Variants in ATRNL1 observed in about 807,000 individuals in gnomAD.
ATRNL1 encodes the protein attractin-like protein 1.
In ATRNL1, 95 loss-of-function variants were observed where a neutral mutation model predicts 182.7. That is an observed-to-expected ratio of 0.52 (90% CI 0.44 to 0.62). ATRNL1 has a LOEUF of 0.62. Among genes scored for constraint, ATRNL1 ranks in the 20% least tolerant of loss-of-function variants. ATRNL1 has a pLI of 0.00. For missense variants in ATRNL1, 1,471 were observed against 1,679.5 expected (o/e 0.88, Z 2.17); for synonymous variants, 576 against 568.3 (o/e 1.01, Z -0.19).
intron 26 of ATRNL1, among the ~76,000 whole-genome samples, chr10:115,606,237 C>T (rs1270917763): frequency 6.6e-6 from 1 of 151,930 alleles, no homozygotes; most frequent in Admixed American, 6.6e-5. Flanking sequence ...ACACATTAGG[C>T]TCGCATATTT....
rs1554890712 is a variant in ATRNL1, at chr10:115,195,115, A to G, written c.1349-20582A>G. Among the ~76,000 whole-genome samples, 5 of 152,034 alleles carry G rather than the reference A, an allele frequency of 3.3e-5. 1 individual carries two copies. The South Asian group carries it at 6.2e-4, about 19-fold the overall frequency. On this transcript the variant is annotated intron_variant, in intron 8 of 28. Transcript: ENST00000355044. ...GATTGGTTTGTTTTTTAGTTTTTCT[A>G]CTACAGATATGAGTGCTTTATGTAT...
intron 5 of ATRNL1, among the ~76,000 whole-genome samples, chr10:115,132,084 C>T (rs1845267379): frequency 6.6e-6 from 1 of 150,864 alleles, no homozygotes; most frequent in Non-Finnish European, 1.5e-5. Flanking sequence ...TCCCCCCTCC[C>T]CACACCCCAC....
chr10:115,892,087 G>C lies in ATRNL1; in HGVS notation c.4018+44096G>C, dbSNP rs371711254. Among the ~76,000 whole-genome samples, 50 of 152,236 alleles carry C rather than the reference G, an allele frequency of 3.3e-4. 2 individuals carry two copies. The South Asian group carries it at 0.01, about 31-fold the overall frequency. On this transcript the variant is annotated intron_variant, in intron 28 of 28. Coordinates refer to ENST00000355044, the MANE Select transcript of ATRNL1 (RefSeq NM_207303.4). The stretch of plus-strand genomic sequence containing the variant: ...CTGCTGAAACCGTTTCAAATATTTT[G>C]GGGTTTTGTTGTTGTTGTTATATTA...
At chr10:115,892,328 G>C (rs1394885879) in intron 28 of ATRNL1, among the ~76,000 whole-genome samples, 1 of 152,064 alleles carries the variant, frequency 6.6e-6, no homozygotes, top group Non-Finnish European at 1.5e-5. Context: ...TACCCAATAA[G>C]GGGGGATTTA....
chr10:115,119,348 G>A (rs1210140152), intron 1 of ATRNL1, among the ~76,000 whole-genome samples: 1 of 151,982 alleles, frequency 6.6e-6, no homozygotes. Flanking sequence ...GTATATGTGT[G>A]TGTGTGTATG....
chr10:115,825,882 G>A (rs761886880), intron 27 of ATRNL1, among the ~76,000 whole-genome samples: 1 of 152,026 alleles, frequency 6.6e-6, no homozygotes, highest in Non-Finnish European at 1.5e-5. Flanking sequence ...TTTTCCCTTA[G>A]GGTCTTTCCC....
chr10:115,192,126 C>T (rs1554889956), intron 8 of ATRNL1, among the ~76,000 whole-genome samples: 1 of 151,984 alleles, frequency 6.6e-6, no homozygotes, highest in Admixed American at 6.6e-5. Flanking sequence ...CCATTTTTTG[C>T]TTTGGTTACC....
At chr10:115,757,045 T>A (rs540687133) in intron 27 of ATRNL1, among the ~76,000 whole-genome samples, 1 of 152,282 alleles carries the variant, frequency 6.6e-6, no homozygotes, top group East Asian at 1.9e-4. Flanking sequence ...TTTGAGCCTA[T>A]GTGTGTCCCT....
At chr10:115,870,481 A>G (rs1323671767) in intron 28 of ATRNL1, among the ~76,000 whole-genome samples, 2 of 152,204 alleles carry the variant, frequency 1.3e-5, no homozygotes, top group East Asian at 3.9e-4. Context: ...TATTTGACAC[A>G]TACCTGCATC....
intron 21 of ATRNL1, among the ~76,000 whole-genome samples, chr10:115,453,609 A>C (rs1847377650): frequency 6.6e-6 from 1 of 152,082 alleles, no homozygotes; most frequent in African/African-American, 2.4e-5. Flanking sequence ...ATTGTGTACT[A>C]TGCAGCCATA....
chr10:115,265,178 T>G lies in ATRNL1; in HGVS notation c.1688-15T>G, dbSNP rs1851556427. 6.5e-7 allele frequency: 1 copy of G among 1,544,426 alleles called. No individual in the cohort carries two copies. Reference sequence around the variant, plus strand: ...TTTTATTTCATTTTTTGTTTTTCTGTTTTCTTTTTTCTAGCTTGTGATGAA... The same window carrying G: ...TTTTATTTCATTTTTTGTTTTTCTGGTTTCTTTTTTCTAGCTTGTGATGAA... On this transcript the variant is annotated splice_polypyrimidine_tract_variant and intron_variant, in intron 10 of 28. Coordinates refer to ENST00000355044, the MANE Select transcript of ATRNL1 (RefSeq NM_207303.4).
intron 27 of ATRNL1, among the ~76,000 whole-genome samples, chr10:115,819,243 G>A (rs201293338): frequency 6.9e-6 from 1 of 145,406 alleles, no homozygotes; most frequent in African/African-American, 2.5e-5. Context: ...TGTCCCTTTG[G>A]CATCTTAAAT....
At chr10:115,479,642 A>G (rs1554973775) in intron 24 of ATRNL1, among the ~76,000 whole-genome samples, 3 of 151,420 alleles carry the variant, frequency 2.0e-5, no homozygotes, top group African/African-American at 7.2e-5. Flanking sequence ...CCAATAATAT[A>G]GTAATTAAAC....
intron 26 of ATRNL1, among the ~76,000 whole-genome samples, chr10:115,625,350 TA>T (rs1257854788): frequency 2.0e-5 from 3 of 152,210 alleles, no homozygotes; most frequent in Admixed American, 2.0e-4. Flanking sequence ...TGGAATTTTT[TA>T]CTTTGGAAAT....
chr10:115,671,887 A>G (rs1008924302), intron 26 of ATRNL1, among the ~76,000 whole-genome samples: 3 of 152,104 alleles, frequency 2.0e-5, no homozygotes, highest in Non-Finnish European at 4.4e-5. Flanking sequence ...TTTGGATATG[A>G]TATTATCTTG....
chr10:115,604,026 G>A (rs983006377), intron 26 of ATRNL1, among the ~76,000 whole-genome samples: 28 of 151,994 alleles, frequency 1.8e-4, no homozygotes, highest in African/African-American at 6.5e-4. Context: ...CTGTTCATCT[G>A]CATATAATGT....
chr10:115,603,097 C>T (rs74158400), intron 26 of ATRNL1, among the ~76,000 whole-genome samples: 1,658 of 152,222 alleles, frequency 0.011, 29 homozygotes, highest in African/African-American at 0.038. Context: ...TGGATGTTCA[C>T]CAACCTGGAA....
intron 24 of ATRNL1, among the ~76,000 whole-genome samples, chr10:115,502,552 A>G (rs1162650920): frequency 6.6e-6 from 1 of 152,062 alleles, no homozygotes; most frequent in Non-Finnish European, 1.5e-5. Context: ...TTTTTTTTTA[A>G]TTTTATAAAC....
chr10:115,625,902 C>T (rs1858064861), intron 26 of ATRNL1, among the ~76,000 whole-genome samples: 1 of 152,096 alleles, frequency 6.6e-6, no homozygotes, highest in South Asian at 2.1e-4. Flanking sequence ...TTGTTCGTTC[C>T]TCTGTCAGTA....
Sources: allele counts gnomAD v4.1 joint callset (sites outside exome capture counted in the v4.1 genomes callset), GRCh38; gene constraint gnomAD v4.1.1; transcripts MANE v1.5; gene names NCBI Gene and HGNC (gene_info 2026-07-23, HGNC 2026-07-21).